Variants in CNTN2 observed in about 807,000 individuals in gnomAD.
The protein encoded by CNTN2 is contactin 2.
A neutral mutation model predicts 117.5 loss-of-function variants in CNTN2; 53 were observed. The ratio of observed to expected loss-of-function variants is 0.45; its 90% confidence interval spans 0.36 to 0.57. The LOEUF is 0.57. CNTN2 is among the 20% of genes least tolerant of loss of function. The pLI is 0.00. For missense variants in CNTN2, 1,106 were observed against 1,404.3 expected, an observed-to-expected ratio of 0.79 and a Z score of 3.39; for synonymous variants, 530 against 561.7, an observed-to-expected ratio of 0.94 and a Z score of 0.80.
chr1:205,072,634 C>T (rs758175602), intron 21 of CNTN2, 39 bp downstream of exon 21: 38 of 1,459,622 alleles, frequency 2.6e-5, no homozygotes, highest in Non-Finnish European at 3.7e-5. Flanking sequence ...TGGGAAGGAA[C>T]AGCTCCTCTG....
Position 205,053,171 on chromosome 1 carries a change from G to T in CNTN2, c.-15G>T. ...CTCTTCTCCTCCGATCCCCACCTCT[G>T]CCCGGACATCCACCATGGGGACAGC... On this transcript the variant is annotated 5_prime_UTR_variant, in exon 2 of 23. Transcript: ENST00000331830. The T allele has an allele frequency of 8.1e-6, 13 of 1,610,358 alleles. No individual in the cohort carries two copies. Among genetic ancestry groups the T allele is most frequent in the Non-Finnish European group, 9.3e-6 (11 of 1,178,350 alleles).
rs756011182 is a variant in CNTN2 at position 205,059,555 on chromosome 1, T to C, written c.698-28T>C. 1 of 1,606,624 alleles carries C rather than the reference T, an allele frequency of 6.2e-7. No individual in the cohort carries two copies. The highest frequency in any genetic ancestry group is 8.5e-7 in the Non-Finnish European group (1 of 1,173,210). On this transcript the variant is annotated intron_variant, in intron 6 of 22. Coordinates refer to ENST00000331830, the MANE Select transcript of CNTN2 (RefSeq NM_005076.5). This position sits in a 1 kb window ranked among gnomAD's most constrained non-coding sequence, Gnocchi z 5.6. ...AGCACCTGACCTGGAGTCATCTGCA[T>C]CTGATTTGTAAAACCCTCTCTCCCC...
chr1:205,070,858 T>G, intron 19 of CNTN2: 1 of 183,016 alleles, frequency 5.5e-6, no homozygotes, highest in Non-Finnish European at 1.2e-5. Flanking sequence ...TAGCTGGGCA[T>G]GGTGGCCCAT....
At chr1:205,067,012 T>A (rs1425262946) in intron 15 of CNTN2, 89 bp from the exon 16 acceptor site, 81 of 1,475,372 alleles carry the variant, frequency 5.5e-5, no homozygotes, top group Non-Finnish European at 7.0e-5. Context: ...GAGGGCTGGG[T>A]AGATAAGGGG....
rs2151201135 is a variant in CNTN2, at chr1:205,073,595, G to A, written c.3014-61G>A. ...TCTCCTTAGGAAAGGTCTCAATCTT[G>A]CCACAAGGGTGGGGCTAGGGTAGTC... On this transcript the variant is annotated intron_variant, in intron 22 of 22. Coordinates refer to ENST00000331830, the MANE Select transcript of CNTN2 (RefSeq NM_005076.5). The surrounding 1 kb of genome is among the most constrained non-coding windows in gnomAD (Gnocchi z 6.3). 5 of 1,480,708 alleles carry A rather than the reference G, an allele frequency of 3.4e-6. No individual in the cohort carries two copies. Among genetic ancestry groups the A allele is most frequent in the African/African-American group, 1.4e-5 (1 of 72,234 alleles). 91.7% of individuals were successfully genotyped at this position (1,480,708 alleles called of 1,614,324 possible).
In CNTN2 at chr1:205,049,323, C is replaced by G. The variant is rs148782791; in HGVS notation, c.-86-3777C>G. 7.4e-4 allele frequency among the ~76,000 whole-genome samples: 110 copies of G among 147,754 alleles called. 1 individual carries two copies. The highest frequency in any genetic ancestry group is 1.1e-3 in the Non-Finnish European group (76 of 67,308). On this transcript the variant is annotated intron_variant, in intron 1 of 22. Transcript: ENST00000331830. ...ACACACACACACACACACACACACACACAGACATACACACAAAGACCGGAC... is the reference window on the plus strand; with the variant it reads ...ACACACACACACACACACACACACAGACAGACATACACACAAAGACCGGAC...
chr1:205,067,297 C>T (rs752305470), intron 16 of CNTN2, 47 bp downstream of exon 16: 5 of 1,582,018 alleles, frequency 3.2e-6, no homozygotes, highest in Middle Eastern at 3.4e-4. Flanking sequence ...GGCAGAGACC[C>T]TGGCACCACT....
At chr1:205,052,462 C>T (rs369715918) in intron 1 of CNTN2, among the ~76,000 whole-genome samples, 5 of 152,354 alleles carry the variant, frequency 3.3e-5, no homozygotes, top group African/African-American at 1.2e-4. Context: ...CTGGGAGATG[C>T]ATTAACTCTT....
chr1:205,057,941 T>A lies in CNTN2; in HGVS notation c.91T>A (p.Ser31Thr), dbSNP rs780969695. The A allele has an allele frequency of 6.2e-7, 1 of 1,613,842 alleles. No individual in the cohort carries two copies. The highest frequency in any genetic ancestry group is 1.3e-5 in the African/African-American group (1 of 74,920). Residue 31 changes from serine to threonine, a missense_variant, in exon 3 of 23, where the codon TCC becomes ACC. Physicochemically the swap from Ser to Thr is moderately conservative, Grantham distance 58 (BLOSUM62 1). Coordinates refer to ENST00000331830, the MANE Select transcript of CNTN2 (RefSeq NM_005076.5). ...TGCAGCTTGGAGTTCAGCCCTGGGA[T>A]CCCAAACCACCTTCGGGCCTGTCTT... ...SSSAWSSALG[S>T]QTTFGPVFED...
chr1:205,067,043 C>T (rs1407288732), intron 15 of CNTN2, 58 bp from the exon 16 acceptor site: 8 of 1,557,882 alleles, frequency 5.1e-6, no homozygotes, highest in Non-Finnish European at 6.1e-6. Context: ...CAGTGCCTGC[C>T]CTCTGCACCC....
chr1:205,054,587 G>A (rs1465129263), intron 2 of CNTN2, among the ~76,000 whole-genome samples: 1 of 152,206 alleles, frequency 6.6e-6, no homozygotes, highest in Non-Finnish European at 1.5e-5. Flanking sequence ...CACACCATCT[G>A]AGGAAAGGGG....
intron 15 of CNTN2, among the ~76,000 whole-genome samples, 159 bp downstream of exon 15, chr1:205,066,758 G>A (rs1654312560): frequency 6.6e-6 from 1 of 152,186 alleles, no homozygotes; most frequent in African/African-American, 2.4e-5. Flanking sequence ...GAGCATGCAG[G>A]CAGGCAGGAA....
rs538066506 is a variant in CNTN2 at position 205,052,725 on chromosome 1, C to A, written c.-86-375C>A. 2.6e-5 allele frequency among the ~76,000 whole-genome samples: 4 copies of A among 152,350 alleles called. No individual in the cohort carries two copies. The South Asian group carries it at 8.3e-4, about 32-fold the overall frequency. ...ACCTGCCAGAGGAAGATGTTACTGA[C>A]TTCCAACCCATGCACAAGTCCTGTT... On this transcript the variant is annotated intron_variant, in intron 1 of 22. Transcript: ENST00000331830.
chr1:205,049,683 G>T (rs1558535215), intron 1 of CNTN2, among the ~76,000 whole-genome samples: 1 of 152,160 alleles, frequency 6.6e-6, no homozygotes, highest in Non-Finnish European at 1.5e-5. Flanking sequence ...TGAGCTCCCG[G>T]GCCTGACAGG....
rs556919543 is a variant in CNTN2, at chr1:205,044,414, G to A, written c.-87+1020G>A. Among the ~76,000 whole-genome samples the A allele has an allele frequency of 5.3e-4, 81 of 151,634 alleles. No homozygotes were observed. In the South Asian group the frequency reaches 0.016, roughly 30 times the overall value. The stretch of plus-strand genomic sequence containing the variant: ...CCTGCTGCTACTTGGGGATGGAGAC[G>A]GGCACCCTCTAGCCCCAGACCCCTG... On this transcript the variant is annotated intron_variant, in intron 1 of 22. Coordinates refer to ENST00000331830, the MANE Select transcript of CNTN2 (RefSeq NM_005076.5).
chr1:205,070,049 T>C lies in CNTN2; in HGVS notation c.2419T>C (p.Ser807Pro). 6.2e-7 allele frequency: 1 copy of C among 1,613,696 alleles called. No individual in the cohort carries two copies. Among genetic ancestry groups the C allele is most frequent in the Non-Finnish European group, 8.5e-7 (1 of 1,180,014 alleles). The change falls in exon 18 of 23, where the codon TCA becomes CCA. Residue 807 changes from serine to proline, a missense_variant. Coordinates refer to ENST00000331830, the MANE Select transcript of CNTN2 (RefSeq NM_005076.5). ...CGAGAGCCTCACTGCACTCGTGTAC[T>C]CAGCTGAGGAAGGTGGGCTGCCCCT... Reference protein sequence around the residue: ...GPESLTALVYSAEEEPRVAPT... With the variant: ...GPESLTALVYPAEEEPRVAPT...
rs199573819 is a variant in CNTN2, at chr1:205,052,964, G to A, written c.-86-136G>A. The stretch of plus-strand genomic sequence containing the variant: ...TAATAGCCAAGCCCCTTCCTCTGGG[G>A]CCCTGGGGAGAATTAGTGCTTGGGC... On this transcript the variant is annotated intron_variant, in intron 1 of 22. Coordinates refer to ENST00000331830, the MANE Select transcript of CNTN2 (RefSeq NM_005076.5). The A allele has an allele frequency of 2.6e-4, 111 of 428,728 alleles. No individual in the cohort carries two copies. The East Asian group carries it at 3.6e-3, about 14-fold the overall frequency. The allele number at this position is 428,728 out of a possible 1,614,324, so 26.6% of individuals were successfully genotyped here.
intron 2 of CNTN2, 46 bp from the exon 3 acceptor site, chr1:205,057,864 GGCCAGGCTCCA>G (rs1379677771): frequency 6.3e-7 from 1 of 1,586,690 alleles, no homozygotes. Context: ...CAGCCCAAGA[GGCCAGGCTCCA>G]GCCAGGCCAA....
Position 205,061,581 on chromosome 1 carries a change from C to A in CNTN2, c.973+161C>A. On this transcript the variant is annotated intron_variant, in intron 8 of 22. Transcript: ENST00000331830. This position sits in a 1 kb window ranked among gnomAD's most constrained non-coding sequence, Gnocchi z 4.8. ...GCACTGAGTCTGGGACCAGAGGAGGCTAGTGCTGTGGTCACCTCAGAGCTT... is the reference window on the plus strand; with the variant it reads ...GCACTGAGTCTGGGACCAGAGGAGGATAGTGCTGTGGTCACCTCAGAGCTT... 1 of 904,858 alleles carries A rather than the reference C, an allele frequency of 1.1e-6. No homozygotes were observed. Among genetic ancestry groups the A allele is most frequent in the Non-Finnish European group, 1.6e-6 (1 of 619,116 alleles). 56.1% of individuals were successfully genotyped at this position (904,858 alleles called of 1,614,324 possible). A position where few individuals can be genotyped will look rare whatever the true frequency, so the allele number is the denominator to read the frequency against.
Sources: gnomAD v4.1 joint callset for allele counts (sites outside exome capture counted in the v4.1 genomes callset) on GRCh38, gnomAD v4.1.1 for gene constraint, Gnocchi (gnomAD v3.1) non-coding constraint, MANE v1.5 for transcripts, NCBI Gene and HGNC (gene_info 2026-07-23, HGNC 2026-07-21) for gene names.